The following SIPA1L3 variants were observed in gnomAD, a reference collection of about 807,000 sequenced individuals.
SIPA1L3 encodes signal induced proliferation associated 1 like 3.
A neutral mutation model predicts 150.1 loss-of-function variants in SIPA1L3; 59 were observed. The observed-to-expected ratio is 0.39, with a 90% confidence interval of 0.32 to 0.49. The LOEUF is 0.49. Ranked by LOEUF, SIPA1L3 falls within the 20% of genes least tolerant of loss-of-function variation. The pLI is 0.86. For missense variants in SIPA1L3, 2,211 were observed against 2,489.5 expected (o/e 0.89, Z 2.38); for synonymous variants, 1,070 against 1,077.6 (o/e 0.99, Z 0.14).
At chr19:38,071,201 T>TTATCTATCTATCTATCTATC (rs60942211) in intron 2 of SIPA1L3, among the ~76,000 whole-genome samples, 18 of 142,158 alleles carry the variant, frequency 1.3e-4, no homozygotes, top group African/African-American at 2.4e-4. Flanking sequence ...TTATGTTGTT[T>TTATCTATCTATCTATCTATC]TATCTATCTA....
At chr19:37,972,465 G>C (rs1032993656) in intron 1 of SIPA1L3, among the ~76,000 whole-genome samples, 1 of 152,128 alleles carries the variant, frequency 6.6e-6, no homozygotes, top group African/African-American at 2.4e-5. Flanking sequence ...TGCTTTGAGA[G>C]GCTAAGGTGG....
intron 6 of SIPA1L3, among the ~76,000 whole-genome samples, chr19:38,105,713 T>C (rs1008801622): frequency 3.3e-5 from 5 of 152,192 alleles, no homozygotes; most frequent in Non-Finnish European, 7.3e-5. Flanking sequence ...TCACTCAACA[T>C]TTAGAGGATT....
chr19:38,158,910 T>A (rs184700096), intron 13 of SIPA1L3, among the ~76,000 whole-genome samples: 31 of 152,256 alleles, frequency 2.0e-4, no homozygotes, highest in Admixed American at 1.0e-3. Context: ...AGTTCAAGTG[T>A]CAAGTCAGGG....
intron 16 of SIPA1L3, among the ~76,000 whole-genome samples, chr19:38,190,173 C>T (rs1243977335): frequency 6.6e-6 from 1 of 152,164 alleles, no homozygotes; most frequent in Non-Finnish European, 1.5e-5. Flanking sequence ...ACGCCCCTCT[C>T]GAGGGGAGCC....
chr19:38,012,159 T>C (rs1048457296), intron 1 of SIPA1L3, among the ~76,000 whole-genome samples: 12 of 151,714 alleles, frequency 7.9e-5, no homozygotes, highest in African/African-American at 2.9e-4. Flanking sequence ...TGATCTCGGC[T>C]TGCTGCAGCC....
chr19:37,965,366 A>G (rs1395689617), intron 1 of SIPA1L3, among the ~76,000 whole-genome samples: 3 of 141,618 alleles, frequency 2.1e-5, no homozygotes, highest in Non-Finnish European at 4.5e-5. Flanking sequence ...GGCAGGCTGG[A>G]GTGCAGTGGC....
At chr19:38,153,669 C>CA (rs11309008) in intron 13 of SIPA1L3, among the ~76,000 whole-genome samples, 89 of 115,222 alleles carry the variant, frequency 7.7e-4, no homozygotes, top group East Asian at 7.1e-3. Flanking sequence ...GATTCTGTCT[C>CA]AAAAAAAAAA....
chr19:38,106,904 A>C (rs1970635703), intron 7 of SIPA1L3, among the ~76,000 whole-genome samples: 1 of 152,172 alleles, frequency 6.6e-6, no homozygotes, highest in Non-Finnish European at 1.5e-5. Context: ...TTGAGTCATC[A>C]CTGGTCTTAA....
At chr19:38,186,574 G>A (rs1398496214) in intron 16 of SIPA1L3, among the ~76,000 whole-genome samples, 3 of 151,026 alleles carry the variant, frequency 2.0e-5, no homozygotes, top group Non-Finnish European at 4.4e-5. Flanking sequence ...GGCTGGTCTC[G>A]AACTCTTGAC....
chr19:38,148,149 G>A (rs57771568), intron 12 of SIPA1L3, among the ~76,000 whole-genome samples: 9,075 of 151,808 alleles, frequency 0.06, 927 homozygotes, highest in African/African-American at 0.2. Flanking sequence ...TCAGGAGTTC[G>A]AGACCAGCCT....
chr19:37,958,025 T>C (rs953511316), intron 1 of SIPA1L3, among the ~76,000 whole-genome samples: 1 of 152,150 alleles, frequency 6.6e-6, no homozygotes, highest in Non-Finnish European at 1.5e-5. Context: ...AAAAAGTATC[T>C]TATTTAGTGG....
intron 8 of SIPA1L3, among the ~76,000 whole-genome samples, chr19:38,116,377 G>T (rs1877800527): frequency 6.6e-6 from 1 of 151,388 alleles, no homozygotes; most frequent in Non-Finnish European, 1.5e-5. Flanking sequence ...GCGTGGTGGT[G>T]CATGCCTGTA....
In SIPA1L3 at chr19:38,155,253, T is replaced by C. The variant is rs565130084; in HGVS notation, c.3661+2286T>C. Among the ~76,000 whole-genome samples the C allele has an allele frequency of 2.6e-5, 4 of 152,228 alleles. No individual in the cohort carries two copies. The South Asian group carries it at 8.3e-4, about 32-fold the overall frequency. On this transcript the variant is annotated intron_variant, in intron 13 of 21. Transcript: ENST00000222345. ...TTATTTATTATTTTTTAAAAACATT[T>C]TTTACAGAGACAACGTCTTGCCATG... is the stretch of plus-strand genomic sequence containing the variant.
At chr19:37,999,013 C>CA (rs1967716953) in intron 1 of SIPA1L3, among the ~76,000 whole-genome samples, 5 of 138,794 alleles carry the variant, frequency 3.6e-5, no homozygotes, top group South Asian at 2.3e-4. Flanking sequence ...ACACACACAC[C>CA]CACACACACA....
At chr19:38,050,973 C>T (rs915240713) in intron 2 of SIPA1L3, among the ~76,000 whole-genome samples, 3 of 152,130 alleles carry the variant, frequency 2.0e-5, no homozygotes, top group African/African-American at 7.2e-5. Context: ...GCGGGAGAAT[C>T]ACTTGAACCT....
chr19:38,104,143 G>A (rs1175609665), intron 6 of SIPA1L3, among the ~76,000 whole-genome samples: 1 of 152,074 alleles, frequency 6.6e-6, no homozygotes, highest in Admixed American at 6.6e-5. Flanking sequence ...GACTCGGTTT[G>A]CTCTTCTAGA....
intron 2 of SIPA1L3, among the ~76,000 whole-genome samples, chr19:38,045,827 T>C (rs940673337): frequency 2.6e-4 from 39 of 151,966 alleles, no homozygotes; most frequent in African/African-American, 9.2e-4. Context: ...CTGGGTGTGT[T>C]GGAGGAGCAG....
rs773978186 is a variant in SIPA1L3 at position 38,083,069 on chromosome 19, C to A, written c.1504C>A (p.Arg502Ser). The change falls in exon 3 of 22, where the codon CGC (arginine) becomes AGC (serine). Residue 502 changes from arginine (R) to serine (S), a missense_variant. Arg to Ser is a moderately radical substitution (Grantham distance 110, BLOSUM62 -1). Around this residue, in one of 5 missense-constraint regions of SIPA1L3, gnomAD observed 625 missense variants for 804.2 expected, o/e 0.78. Coordinates refer to ENST00000222345, the MANE Select transcript of SIPA1L3 (RefSeq NM_015073.3). Reference protein sequence around the residue: ...YSIEHVDLGARYYQDYFVGKE... With the variant: ...YSIEHVDLGASYYQDYFVGKE... ...CATCGAGCATGTGGACCTGGGCGCC[C>A]GCTACTACCAGGATTACTTCGTGGG... 9.3e-6 allele frequency: 15 copies of A among 1,611,868 alleles called. No homozygotes were observed. The East Asian group carries it at 3.3e-4, about 36-fold the overall frequency.
Position 37,956,793 on chromosome 19 carries a change from A to C in SIPA1L3, c.-379+49435A>C, listed in dbSNP as rs531547767. Reference sequence around the variant, plus strand: ...GCCACCACGCCCACCCTAATATAAAAGTTTTTAATTTTGGAAATTCCGTTT... The same window carrying C: ...GCCACCACGCCCACCCTAATATAAACGTTTTTAATTTTGGAAATTCCGTTT... On this transcript the variant is annotated intron_variant, in intron 1 of 21. Transcript: ENST00000222345. Among the ~76,000 whole-genome samples the C allele has an allele frequency of 2.6e-5, 4 of 152,162 alleles. No homozygotes were observed. In the South Asian group the frequency reaches 6.2e-4, roughly 24 times the overall value.
Sources: gnomAD v4.1 joint callset for allele counts (sites outside exome capture counted in the v4.1 genomes callset) on GRCh38, gnomAD v4.1.1 for gene constraint, gnomAD v4.1.1 regional missense constraint, MANE v1.5 for transcripts, NCBI Gene and HGNC (gene_info 2026-07-23, HGNC 2026-07-21) for gene names.